The following TMEM156 variants were observed in gnomAD, a reference collection of about 807,000 sequenced individuals.
The protein encoded by TMEM156 is transmembrane protein 156.
Under a neutral mutation model 30.5 loss-of-function variants are expected in TMEM156, and 28 were observed. That is an observed-to-expected ratio of 0.92 (90% CI 0.68 to 1.26). TMEM156 has a LOEUF of 1.26. Among genes scored for constraint, TMEM156 ranks in the 50% most tolerant of loss-of-function variants. The pLI, the probability that TMEM156 is intolerant of heterozygous loss-of-function variation, is 0.00. For synonymous variants in TMEM156, 137 were observed against 119.9 expected (o/e 1.14, Z -0.93); for missense variants, 351 against 340.6 (o/e 1.03, Z -0.24).
chr4:38,982,351 G>T (rs1260835578), intron 5 of TMEM156, among the ~76,000 whole-genome samples: 2 of 152,132 alleles, frequency 1.3e-5, no homozygotes, highest in Non-Finnish European at 2.9e-5. Flanking sequence ...TAAAGACTCA[G>T]CCTAGAGTTA....
rs1213606167 is a variant in TMEM156, at chr4:38,967,455, T to C, written c.*225A>G. 1 of 152,146 alleles carries C rather than the reference T, an allele frequency of 6.6e-6. No homozygotes were observed. The highest frequency in any genetic ancestry group is 2.4e-5 in the African/African-American group (1 of 41,438). 9.4% of individuals were successfully genotyped at this position (152,146 alleles called of 1,614,324 possible). The stretch of plus-strand genomic sequence containing the variant: ...ACTCATAATGGCTTCTTGCAAACAC[T>C]CTTGTTCCCTTGATCTCATGGAGCG... On this transcript the variant is annotated 3_prime_UTR_variant, in exon 7 of 7. Coordinates refer to ENST00000381938, the MANE Select transcript of TMEM156 (RefSeq NM_024943.3).
chr4:38,972,440 G>A (rs551422987), intron 5 of TMEM156, among the ~76,000 whole-genome samples: 11 of 151,206 alleles, frequency 7.3e-5, no homozygotes, highest in South Asian at 2.1e-4. Context: ...TAGTAGAGAC[G>A]GGGTTTCACC....
intron 1 of TMEM156, among the ~76,000 whole-genome samples, chr4:39,006,335 G>A (rs1713735550): frequency 6.6e-6 from 1 of 151,902 alleles, no homozygotes; most frequent in Non-Finnish European, 1.5e-5. Context: ...TTTTTGTTAG[G>A]TTGTCTTTTA....
chr4:39,023,432 C>T lies in TMEM156; in HGVS notation c.88+8794G>A, dbSNP rs539285053. Among the ~76,000 whole-genome samples, 3 of 152,214 alleles carry T rather than the reference C, an allele frequency of 2.0e-5. No individual in the cohort carries two copies. In the South Asian group the frequency reaches 6.2e-4, roughly 32 times the overall value. On this transcript the variant is annotated intron_variant, in intron 1 of 6. Transcript: ENST00000381938. ...ATAATAGCCCAAACTTGAAATAACCCAATAGATAAAGGGACAAATGTTGTG... is the reference window on the plus strand; with the variant it reads ...ATAATAGCCCAAACTTGAAATAACCTAATAGATAAAGGGACAAATGTTGTG...
chr4:38,987,632 A>G (rs1002266608), intron 4 of TMEM156, among the ~76,000 whole-genome samples: 1 of 152,202 alleles, frequency 6.6e-6, no homozygotes, highest in African/African-American at 2.4e-5. Context: ...TACAACCACC[A>G]CAATACTACT....
In TMEM156 at chr4:38,993,338, G is replaced by A. The variant is rs377683210; in HGVS notation, c.619+400C>T. Reference sequence around the variant, plus strand: ...CCCAGCTACTCAGGAGGCTGAGGTGGGAGGATCACCTGAGCCCGGGGAAGT... The same window carrying A: ...CCCAGCTACTCAGGAGGCTGAGGTGAGAGGATCACCTGAGCCCGGGGAAGT... On this transcript the variant is annotated intron_variant, in intron 3 of 6. Transcript: ENST00000381938. Among the ~76,000 whole-genome samples the A allele has an allele frequency of 9.9e-5, 15 of 152,036 alleles. No homozygotes were observed. In the East Asian group the frequency reaches 2.9e-3, roughly 30 times the overall value.
Position 38,986,435 on chromosome 4 carries a change from A to G in TMEM156, c.740-16T>C. On this transcript the variant is annotated splice_polypyrimidine_tract_variant and intron_variant, in intron 4 of 6. Coordinates refer to ENST00000381938, the MANE Select transcript of TMEM156 (RefSeq NM_024943.3). ...TCTCTATGACCTATTCCCAGAAAAG[A>G]AATGAAGTATTTAGATGATAAACAA... The G allele has an allele frequency of 6.4e-7, 1 of 1,566,776 alleles. No homozygotes were observed. Among genetic ancestry groups the G allele is most frequent in the South Asian group, 1.1e-5 (1 of 90,060 alleles).
At chr4:39,006,244 A>G (rs576089112) in intron 1 of TMEM156, among the ~76,000 whole-genome samples, 1 of 152,244 alleles carries the variant, frequency 6.6e-6, no homozygotes, top group South Asian at 2.1e-4. Context: ...GATTTTGCCA[A>G]TTTGGTGAGT....
At chr4:39,011,734 T>A (rs1041054180) in intron 1 of TMEM156, among the ~76,000 whole-genome samples, 3 of 151,872 alleles carry the variant, frequency 2.0e-5, no homozygotes, top group Non-Finnish European at 4.4e-5. Context: ...CATCACATAA[T>A]TGCACTCCAG....
intron 1 of TMEM156, among the ~76,000 whole-genome samples, chr4:39,016,114 G>T (rs568367011): frequency 1.3e-5 from 2 of 152,042 alleles, no homozygotes; most frequent in African/African-American, 2.4e-5. Flanking sequence ...GGTGGCTCAC[G>T]CCTGTAATCC....
chr4:38,980,845 T>C, intron 5 of TMEM156: 1 of 828,410 alleles, frequency 1.2e-6, no homozygotes, highest in Non-Finnish European at 1.5e-6. Context: ...ACAATCTATA[T>C]TAAGATGAAG....
intron 1 of TMEM156, chr4:39,028,443 A>C (rs548783276): frequency 1.1e-4 from 17 of 152,334 alleles, no homozygotes; most frequent in African/African-American, 3.8e-4. Context: ...CCAAAGACTG[A>C]CGTGGAAGCA....
rs369168385 is a variant in TMEM156, at chr4:38,982,530, C to T, written c.823+3806G>A. Among the ~76,000 whole-genome samples the T allele has an allele frequency of 7.2e-5, 11 of 152,308 alleles. No individual in the cohort carries two copies. In the South Asian group the frequency reaches 2.3e-3, roughly 32 times the overall value. ...TCTGTTGTCATATTTCCCAATCTCT[C>T]AGACTCATTTCTTGCTCATCCGCTC... On this transcript the variant is annotated intron_variant, in intron 5 of 6. Coordinates refer to ENST00000381938, the MANE Select transcript of TMEM156 (RefSeq NM_024943.3).
intron 1 of TMEM156, among the ~76,000 whole-genome samples, chr4:39,013,098 C>T (rs573818663): frequency 6.6e-6 from 1 of 151,734 alleles, no homozygotes; most frequent in East Asian, 1.9e-4. Context: ...CAGGAGTTCG[C>T]GGCCAGTCTG....
intron 5 of TMEM156, among the ~76,000 whole-genome samples, chr4:38,981,524 G>A (rs73236686): frequency 0.11 from 17,161 of 152,146 alleles, 1,236 homozygotes; most frequent in African/African-American, 0.2. Context: ...AGAGCAGGAA[G>A]GCTTTTGATC....
intron 1 of TMEM156, among the ~76,000 whole-genome samples, chr4:39,007,278 C>T (rs962914467): frequency 5.3e-5 from 8 of 152,064 alleles, no homozygotes; most frequent in South Asian, 2.1e-4. Context: ...AGCAATCCTT[C>T]GCTCATTTCA....
intron 1 of TMEM156, among the ~76,000 whole-genome samples, chr4:39,004,291 A>G (rs957020491): frequency 6.6e-6 from 1 of 152,208 alleles, no homozygotes; most frequent in Non-Finnish European, 1.5e-5. Context: ...ACATGGCACT[A>G]TAGGACAAAT....
At chr4:39,000,019 A>T (rs1483101736) in intron 1 of TMEM156, among the ~76,000 whole-genome samples, 1 of 152,190 alleles carries the variant, frequency 6.6e-6, no homozygotes, top group Non-Finnish European at 1.5e-5. Flanking sequence ...TGACAGCCTA[A>T]TTTTTACTTT....
chr4:39,030,183 A>AC (rs1157079430), intron 1 of TMEM156, among the ~76,000 whole-genome samples: 7 of 151,334 alleles, frequency 4.6e-5, no homozygotes, highest in African/African-American at 1.2e-4. Context: ...GTCTCTTAAA[A>AC]AAAAAAAAAC....
Sources: gnomAD v4.1 joint callset for allele counts (sites outside exome capture counted in the v4.1 genomes callset) on GRCh38, gnomAD v4.1.1 for gene constraint, MANE v1.5 for transcripts, NCBI Gene and HGNC (gene_info 2026-07-23, HGNC 2026-07-21) for gene names.